The following TRMT11 variants were observed in gnomAD, a reference collection of about 807,000 sequenced individuals.
TRMT11 encodes the protein tRNA (guanine(10)-N(2))-methyltransferase TRMT11.
TRMT11 carries 53 observed loss-of-function variants against 62.8 expected under a neutral mutation model. The ratio of observed to expected loss-of-function variants is 0.84; its 90% confidence interval spans 0.68 to 1.06. TRMT11 has a LOEUF of 1.06. Ranked by LOEUF, TRMT11 falls within the 50% of genes least tolerant of loss-of-function variation. The probability of loss-of-function intolerance (pLI) is 0.00; values close to 1 mark genes in which losing one functional copy is unlikely to be tolerated. For synonymous variants in TRMT11, 188 were observed against 190.3 expected (o/e 0.99, Z 0.10); for missense variants, 556 against 553.4 (o/e 1.00, Z -0.05).
intron 16 of TRMT11, among the ~76,000 whole-genome samples, chr6:126,049,964 G>A (rs1055950278): frequency 6.6e-6 from 1 of 152,154 alleles, no homozygotes; most frequent in African/African-American, 2.4e-5. Flanking sequence ...TCATGTGTAT[G>A]ATGGTGGGAA....
chr6:126,064,272 G>A (rs533326150), intron 17 of TRMT11, among the ~76,000 whole-genome samples: 1 of 152,228 alleles, frequency 6.6e-6, no homozygotes, highest in Non-Finnish European at 1.5e-5. Context: ...GGCAGCCCAC[G>A]TGTCTCTGAA....
chr6:126,002,415 A>C (rs1268648887), intron 7 of TRMT11, among the ~76,000 whole-genome samples: 3 of 152,080 alleles, frequency 2.0e-5, no homozygotes, highest in Non-Finnish European at 4.4e-5. Flanking sequence ...CTACATCAAC[A>C]CATTTACTCT....
chr6:126,269,361 T>C, the TRMT11 span, among the ~76,000 whole-genome samples: 1 of 151,176 alleles, frequency 6.6e-6, no homozygotes, highest in African/African-American at 2.4e-5. Flanking sequence ...AATACACCTC[T>C]ATACTGTATA....
Position 126,038,735 on chromosome 6 carries a change from G to A in TRMT11, c.1291G>A (p.Asp431Asn), listed in dbSNP as rs199551909. The change falls in exon 13 of 13, where the codon GAT becomes AAT. Residue 431 changes from aspartate to asparagine, a missense_variant. Coordinates refer to ENST00000334379, the MANE Select transcript of TRMT11 (RefSeq NM_001031712.3). Reference protein sequence around the residue: ...NRDQYSHLLSDHFLPYQGHNS... With the variant: ...NRDQYSHLLSNHFLPYQGHNS... ...GGACCAGTATTCACATCTGCTAAGT[G>A]ATCATTTTCTGCCATACCAAGGTCA... The A allele has an allele frequency of 4.5e-5, 72 of 1,596,948 alleles. No individual in the cohort carries two copies. Among genetic ancestry groups the A allele is most frequent in the Non-Finnish European group, 6.0e-5 (70 of 1,173,870 alleles).
intron 17 of TRMT11, among the ~76,000 whole-genome samples, chr6:126,061,415 A>G (rs1330212987): frequency 6.6e-6 from 1 of 152,234 alleles, no homozygotes; most frequent in Non-Finnish European, 1.5e-5. Context: ...GTTTATTTAA[A>G]GTAAAATGGC....
chr6:125,997,343 A>G (rs1190573055), intron 3 of TRMT11, among the ~76,000 whole-genome samples: 1 of 152,242 alleles, frequency 6.6e-6, no homozygotes, highest in African/African-American at 2.4e-5. Flanking sequence ...CTTAAATTCA[A>G]ATTTTTCTGT....
chr6:126,192,345 G>A (rs991929789), intron 1 of TRMT11, among the ~76,000 whole-genome samples: 6 of 152,022 alleles, frequency 3.9e-5, no homozygotes, highest in African/African-American at 9.7e-5. Flanking sequence ...TTTTGGTGAA[G>A]GCTTTAGGTT....
At chr6:126,054,832 C>T (rs760161226) in intron 17 of TRMT11, among the ~76,000 whole-genome samples, 1 of 152,240 alleles carries the variant, frequency 6.6e-6, no homozygotes, top group South Asian at 2.1e-4. Context: ...GGAGCCCACT[C>T]TGCTGTCTTC....
intron 21 of TRMT11, among the ~76,000 whole-genome samples, chr6:126,153,279 T>C: frequency 6.6e-6 from 1 of 152,314 alleles, no homozygotes; most frequent in South Asian, 2.1e-4. Context: ...TAACTTTTTA[T>C]TTAAGGATAA....
chr6:126,026,957 C>T (rs1773268063), intron 12 of TRMT11, among the ~76,000 whole-genome samples: 1 of 151,124 alleles, frequency 6.6e-6, no homozygotes, highest in South Asian at 2.1e-4. Flanking sequence ...CGCCTGCCAC[C>T]CCGTCCGGCT....
At chr6:126,125,104 G>T (rs1230147227) in intron 21 of TRMT11, among the ~76,000 whole-genome samples, 2 of 152,062 alleles carry the variant, frequency 1.3e-5, no homozygotes, top group Non-Finnish European at 2.9e-5. Context: ...CTCAAGTGGG[G>T]TCATTTCTTT....
downstream of TRMT11, among the ~76,000 whole-genome samples, chr6:126,206,658 A>C (rs902344152): frequency 2.0e-5 from 3 of 152,224 alleles, no homozygotes; most frequent in African/African-American, 7.2e-5. Flanking sequence ...CAGAACTCAT[A>C]ATAACTCATA....
At chr6:125,989,115 G>A (rs1224890509) in intron 1 of TRMT11, among the ~76,000 whole-genome samples, 1 of 144,286 alleles carries the variant, frequency 6.9e-6, no homozygotes, top group Non-Finnish European at 1.5e-5. Flanking sequence ...ATTCTAAGGA[G>A]TTTGGATTCT....
the TRMT11 span, among the ~76,000 whole-genome samples, chr6:126,248,678 C>T: frequency 6.6e-6 from 1 of 152,048 alleles, no homozygotes; most frequent in Admixed American, 6.6e-5. Flanking sequence ...CTGGTATAAA[C>T]CTTTCATGAG....
chr6:125,989,123 T>C (rs1790172356), intron 1 of TRMT11, among the ~76,000 whole-genome samples: 1 of 146,446 alleles, frequency 6.8e-6, no homozygotes, highest in Non-Finnish European at 1.5e-5. Context: ...GAGTTTGGAT[T>C]CTTTTTTTTT....
At chr6:126,125,969 T>G (rs1777714146) in intron 21 of TRMT11, among the ~76,000 whole-genome samples, 1 of 152,140 alleles carries the variant, frequency 6.6e-6, no homozygotes, top group Non-Finnish European at 1.5e-5. Flanking sequence ...ATCAAGATAC[T>G]GCAATATTGG....
At position 126,155,881 on chromosome 6, in the gene TRMT11, C is replaced by T. The variant is rs370464972; in HGVS notation, c.*1824-18944C>T. ...GACTACACGTGCCCGCCACCATGCC[C>T]GGGTAATTTTTTTTTTTAATATTTT... On this transcript the variant is annotated intron_variant and NMD_transcript_variant, in intron 21 of 22. Coordinates refer to the TRMT11 transcript ENST00000648977. 3.9e-5 allele frequency among the ~76,000 whole-genome samples: 6 copies of T among 151,956 alleles called. No individual in the cohort carries two copies. The East Asian group carries it at 7.7e-4, about 20-fold the overall frequency.
chr6:126,072,772 C>CA (rs911338097), intron 17 of TRMT11, among the ~76,000 whole-genome samples: 5 of 152,128 alleles, frequency 3.3e-5, no homozygotes, highest in African/African-American at 1.2e-4. Context: ...ATTGTATCCT[C>CA]ACATGGCAGA....
At chr6:126,023,481 C>G (rs923329439) in intron 12 of TRMT11, among the ~76,000 whole-genome samples, 1 of 152,136 alleles carries the variant, frequency 6.6e-6, no homozygotes, top group African/African-American at 2.4e-5. Context: ...AACCCCATCT[C>G]TACTAAAAAT....
Sources: allele counts gnomAD v4.1 joint callset (sites outside exome capture counted in the v4.1 genomes callset), GRCh38; gene constraint gnomAD v4.1.1; transcripts MANE v1.5; gene names NCBI Gene and HGNC (gene_info 2026-07-23, HGNC 2026-07-21).